DPP10: variants seen among roughly 807,000 people sequenced by gnomAD.
The protein encoded by DPP10 is dipeptidyl peptidase like 10, also known as inactive dipeptidyl peptidase 10.
In DPP10, 33 loss-of-function variants were observed where a neutral mutation model predicts 120.9. The ratio of observed to expected loss-of-function variants is 0.27; its 90% CI spans 0.21 to 0.37. DPP10 has a LOEUF of 0.37. Ranked by LOEUF, DPP10 falls within the 10% of genes least tolerant of loss-of-function variation. DPP10 has a pLI of 1.00. For missense variants in DPP10, 816 were observed against 942.8 expected (o/e 0.87, Z 1.76); for synonymous variants, 337 against 326.1 (o/e 1.03, Z -0.36).
intron 1 of DPP10, among the ~76,000 whole-genome samples, chr2:114,864,367 C>A (rs1234829358): frequency 6.6e-6 from 1 of 152,080 alleles, no homozygotes; most frequent in Non-Finnish European, 1.5e-5. Context: ...GTCTTACAAC[C>A]CTGAAGACTA....
intron 5 of DPP10, among the ~76,000 whole-genome samples, chr2:115,624,145 A>G (rs1482776618): frequency 6.6e-6 from 1 of 152,204 alleles, no homozygotes; most frequent in Non-Finnish European, 1.5e-5. Context: ...CTTGGAGAAG[A>G]AAGTTCAAGG....
At chr2:114,532,296 T>TATATATACACACACACACACAC (rs1342125338) in intron 1 of DPP10, among the ~76,000 whole-genome samples, 3 of 74,760 alleles carry the variant, frequency 4.0e-5, no homozygotes, top group African/African-American at 2.0e-4. Context: ...TATATATATA[T>TATATATACACACACACACACAC]ACACACACAC....
intron 1 of DPP10, among the ~76,000 whole-genome samples, chr2:114,880,225 A>T (rs1691495901): frequency 6.6e-6 from 1 of 152,204 alleles, no homozygotes; most frequent in Non-Finnish European, 1.5e-5. Flanking sequence ...CTTACGTGTT[A>T]ATCATTGCTT....
intron 3 of DPP10, among the ~76,000 whole-genome samples, chr2:115,456,505 G>A (rs2073556773): frequency 6.6e-6 from 1 of 152,088 alleles, no homozygotes; most frequent in Admixed American, 6.6e-5. Flanking sequence ...AAAGATACAT[G>A]CACACATATG....
intron 1 of DPP10, among the ~76,000 whole-genome samples, chr2:114,480,852 TATA>T (rs772376991): frequency 6.7e-6 from 1 of 150,012 alleles, no homozygotes; most frequent in East Asian, 1.9e-4. Flanking sequence ...GAACTTAAAG[TATA>T]ATAATAATAA....
chr2:115,004,662 G>A (rs1701685146), intron 1 of DPP10, among the ~76,000 whole-genome samples: 1 of 152,134 alleles, frequency 6.6e-6, no homozygotes, highest in South Asian at 2.1e-4. Flanking sequence ...TTTTCCGTTG[G>A]GCTTAAAAAA....
At chr2:114,478,917 CAAATA>C (rs1484016538) in intron 1 of DPP10, among the ~76,000 whole-genome samples, 1 of 148,764 alleles carries the variant, frequency 6.7e-6, no homozygotes, top group Non-Finnish European at 1.5e-5. Flanking sequence ...TGAAAGAAAT[CAAATA>C]AAATGTAAAT....
chr2:114,632,396 C>CTA (rs998892177), intron 1 of DPP10, among the ~76,000 whole-genome samples: 46 of 147,764 alleles, frequency 3.1e-4, no homozygotes, highest in African/African-American at 9.4e-4. Context: ...TTTATAAGTA[C>CTA]TATATATATA....
In DPP10 at chr2:115,827,193, C is replaced by A. The variant is rs983045212; in HGVS notation, c.1951-8964C>A. On this transcript the variant is annotated intron_variant, in intron 21 of 25. Coordinates refer to ENST00000410059, the MANE Select transcript of DPP10 (RefSeq NM_020868.6). Reference sequence around the variant, plus strand: ...TATGGCTTATAATGTATATTTTTAACTAATTAAAGTTGTCCTCCTGTGATA... The same window carrying A: ...TATGGCTTATAATGTATATTTTTAAATAATTAAAGTTGTCCTCCTGTGATA... 7.9e-5 allele frequency among the ~76,000 whole-genome samples: 12 copies of A among 151,196 alleles called. No homozygotes were observed. In the East Asian group the frequency reaches 2.3e-3, roughly 29 times the overall value.
At chr2:115,251,539 TAC>T (rs1399985602) in intron 1 of DPP10, among the ~76,000 whole-genome samples, 1 of 152,120 alleles carries the variant, frequency 6.6e-6, no homozygotes, top group African/African-American at 2.4e-5. Flanking sequence ...CTATAGGACC[TAC>T]GTAAAGGGCA....
rs566048753 is a variant in DPP10, at chr2:115,700,773, A to G, written c.576+10852A>G. On this transcript the variant is annotated intron_variant, in intron 7 of 25. Coordinates refer to ENST00000410059, the MANE Select transcript of DPP10 (RefSeq NM_020868.6). ...AAAAGTCAACACAGAGAAATCATAT[A>G]CATTTGTAAGTCTATACAATAACTG... Among the ~76,000 whole-genome samples, 28 of 152,270 alleles carry G rather than the reference A, an allele frequency of 1.8e-4. No homozygotes were observed. The South Asian group carries it at 5.2e-3, about 28-fold the overall frequency.
At chr2:115,575,011 A>G (rs1204112852) in intron 5 of DPP10, among the ~76,000 whole-genome samples, 1 of 152,196 alleles carries the variant, frequency 6.6e-6, no homozygotes, top group Non-Finnish European at 1.5e-5. Flanking sequence ...TGGTTTTGCT[A>G]AGATCATCTT....
At chr2:114,960,366 G>GTATATATATATATATATATATATA (rs149462158) in intron 1 of DPP10, among the ~76,000 whole-genome samples, 45 of 143,806 alleles carry the variant, frequency 3.1e-4, no homozygotes, top group African/African-American at 1.1e-3. Context: ...GTGTATGTGC[G>GTATATATATATATATATATATATA]TATATATATA....
At chr2:114,678,407 G>A (rs1438036879) in intron 1 of DPP10, among the ~76,000 whole-genome samples, 4 of 151,920 alleles carry the variant, frequency 2.6e-5, no homozygotes, top group African/African-American at 9.7e-5. Context: ...AGTTCTATGG[G>A]GAAGTTTTAT....
At chr2:114,558,761 T>C (rs1420637338) in intron 1 of DPP10, among the ~76,000 whole-genome samples, 2 of 152,248 alleles carry the variant, frequency 1.3e-5, no homozygotes, top group African/African-American at 2.4e-5. Flanking sequence ...TTTAAGACTT[T>C]TGTTGACTTC....
At chr2:115,075,744 C>G (rs1707737646) in intron 1 of DPP10, among the ~76,000 whole-genome samples, 1 of 149,324 alleles carries the variant, frequency 6.7e-6, no homozygotes, top group Non-Finnish European at 1.5e-5. Context: ...TCCTTTTATT[C>G]CATAATGAGA....
At chr2:115,384,448 AGAAGAAGAAG>A (rs1306700747) in intron 3 of DPP10, among the ~76,000 whole-genome samples, 10,764 of 125,046 alleles carry the variant, frequency 0.086, 451 homozygotes, top group Middle Eastern at 0.12. Flanking sequence ...AAGAGGAGGA[AGAAGAAGAAG>A]GAAGAAGAAG....
In DPP10 at chr2:115,188,563, A is replaced by G. The variant is rs539459671; in HGVS notation, c.61-120676A>G. Among the ~76,000 whole-genome samples, 5 of 152,352 alleles carry G rather than the reference A, an allele frequency of 3.3e-5. No individual in the cohort carries two copies. In the South Asian group the frequency reaches 1.0e-3, roughly 32 times the overall value. On this transcript the variant is annotated intron_variant, in intron 1 of 25. Coordinates refer to ENST00000410059, the MANE Select transcript of DPP10 (RefSeq NM_020868.6). ...ACCAGGTCATAAAATACAATAAACG[A>G]AATGTTTTCTAACCACACATAAAGA...
chr2:115,185,722 A>C (rs2054389695), intron 1 of DPP10, among the ~76,000 whole-genome samples: 1 of 152,226 alleles, frequency 6.6e-6, no homozygotes, highest in South Asian at 2.1e-4. Flanking sequence ...CCAATTCGGC[A>C]TAGATGGATG....
Sources: gnomAD v4.1 joint callset for allele counts (sites outside exome capture counted in the v4.1 genomes callset) on GRCh38, gnomAD v4.1.1 for gene constraint, MANE v1.5 for transcripts, NCBI Gene and HGNC (gene_info 2026-07-23, HGNC 2026-07-21) for gene names.